The following CEACAM6 variants were observed in gnomAD, a reference collection of about 807,000 sequenced individuals.
CEACAM6 encodes CEA cell adhesion molecule 6, also known as cell adhesion molecule CEACAM6.
In CEACAM6, 21 loss-of-function variants were observed where a neutral mutation model predicts 32.4. That is an observed-to-expected ratio of 0.65 (90% CI 0.46 to 0.93). The LOEUF (loss-of-function observed/expected upper bound fraction) is 0.93. Ranked by LOEUF, CEACAM6 falls within the 40% of genes least tolerant of loss-of-function variation. The pLI is 0.00. For missense variants in CEACAM6, 406 were observed against 432.2 expected (o/e 0.94, Z 0.54); for synonymous variants, 184 against 174.4 (o/e 1.06, Z -0.43).
chr19:41,767,891 G>A (rs1282752846), intron 5 of CEACAM6, among the ~76,000 whole-genome samples: 1 of 151,860 alleles, frequency 6.6e-6, no homozygotes, highest in Non-Finnish European at 1.5e-5. Flanking sequence ...TACATTATAT[G>A]GGAAGCACTG....
At chr19:41,769,167 A>G (rs2072976673) in intron 5 of CEACAM6, among the ~76,000 whole-genome samples, 1 of 151,544 alleles carries the variant, frequency 6.6e-6, no homozygotes, top group Admixed American at 6.6e-5. Flanking sequence ...CTGGTCTCGA[A>G]CTCCTGACTT....
chr19:41,761,110 G>T, intron 2 of CEACAM6, 139 bp from the exon 3 acceptor site: 1 of 1,499,898 alleles, frequency 6.7e-7, no homozygotes, highest in East Asian at 2.3e-5. Context: ...TGCATCTGTT[G>T]TGTGACACAC....
chr19:41,764,061 A>C (rs2072943167), intron 4 of CEACAM6, among the ~76,000 whole-genome samples: 1 of 152,098 alleles, frequency 6.6e-6, no homozygotes, highest in African/African-American at 2.4e-5. Context: ...TATTATGTTG[A>C]GGTGGTTTCC....
chr19:41,765,222 A>T (rs886163542), intron 4 of CEACAM6, among the ~76,000 whole-genome samples: 1 of 152,220 alleles, frequency 6.6e-6, no homozygotes, highest in African/African-American at 2.4e-5. Flanking sequence ...GTAAAATGGA[A>T]ATAATGTCTA....
chr19:41,767,677 G>A (rs563288562), intron 5 of CEACAM6, among the ~76,000 whole-genome samples: 3 of 152,226 alleles, frequency 2.0e-5, no homozygotes, highest in East Asian at 1.9e-4. Context: ...GTGTAGCCAC[G>A]ATGGAGGATC....
intron 5 of CEACAM6, among the ~76,000 whole-genome samples, chr19:41,770,121 A>C (rs1461528884): frequency 9.2e-5 from 14 of 151,876 alleles, no homozygotes; most frequent in Admixed American, 7.9e-4. Flanking sequence ...CAAACTTGAA[A>C]AGACCCCAGG....
intron 2 of CEACAM6, among the ~76,000 whole-genome samples, chr19:41,757,205 G>A (rs113365675): frequency 0.016 from 2,507 of 152,156 alleles, 83 homozygotes; most frequent in African/African-American, 0.056. Context: ...TCAGCAGGGC[G>A]AGGTCAGTGT....
intron 3 of CEACAM6, 55 bp from the exon 4 acceptor site, chr19:41,761,914 G>T (rs1555821937): frequency 2.7e-5 from 43 of 1,600,024 alleles, no homozygotes; most frequent in Non-Finnish European, 3.5e-5. Context: ...CACAGACCAG[G>T]AACTTATGCT....
intron 5 of CEACAM6, among the ~76,000 whole-genome samples, chr19:41,769,437 G>T (rs1199297288): frequency 6.6e-6 from 1 of 152,110 alleles, no homozygotes; most frequent in Non-Finnish European, 1.5e-5. Flanking sequence ...ATAGCTTCAT[G>T]AAACTGCCAA....
At chr19:41,758,274 C>A (rs1399027807) in intron 2 of CEACAM6, among the ~76,000 whole-genome samples, 1 of 152,150 alleles carries the variant, frequency 6.6e-6, no homozygotes, top group Non-Finnish European at 1.5e-5. Context: ...GAGGACTTTG[C>A]TTTCTCTCCC....
intron 2 of CEACAM6, among the ~76,000 whole-genome samples, chr19:41,759,420 G>C (rs2072909375): frequency 6.6e-6 from 1 of 152,216 alleles, no homozygotes; most frequent in Admixed American, 6.5e-5. Flanking sequence ...ACAGGAATTA[G>C]GGGCAGGGAG....
Position 41,756,683 on chromosome 19 carries a change from G to A in CEACAM6, c.148G>A (p.Glu50Lys), listed in dbSNP as rs1201941596. ...GCCGTTCAATGTCGCAGAGGGGAAG[G>A]AGGTTCTTCTACTCGCCCACAACCT... ...STPFNVAEGK[E>K]VLLLAHNLPQ... The change falls in exon 2 of 6, where the codon GAG (glutamate) becomes AAG (lysine). Residue 50 changes from glutamate (E) to lysine (K), a missense_variant. Transcript: ENST00000199764. 2 of 1,613,988 alleles carry A rather than the reference G, an allele frequency of 1.2e-6. No individual in the cohort carries two copies. The highest frequency in any genetic ancestry group is 1.3e-5 in the African/African-American group (1 of 74,872).
chr19:41,768,732 AC>A (rs562659767), intron 5 of CEACAM6, among the ~76,000 whole-genome samples: 1,874 of 143,676 alleles, frequency 0.013, 34 homozygotes, highest in African/African-American at 0.046. Context: ...CGGGGGGCTG[AC>A]CCCCCCACCT....
In CEACAM6 at chr19:41,772,111, C is replaced by CTTGTA. The variant is rs1356474624; in HGVS notation, c.*1359_*1363dup. ...TTCCAATTTGACAAAACCCACTGTT[C>CTTGTA]TTGTATTGTATTGCCCAGGGGGAGC... On this transcript the variant is annotated 3_prime_UTR_variant, in exon 6 of 6. Coordinates refer to ENST00000199764, the MANE Select transcript of CEACAM6 (RefSeq NM_002483.7). The CTTGTA allele has an allele frequency of 6.6e-6, 1 of 152,292 alleles. No homozygotes were observed. The highest frequency in any genetic ancestry group is 1.9e-4 in the East Asian group (1 of 5,192). The allele number at this position is 152,292 out of a possible 1,614,324, so 9.4% of individuals were successfully genotyped here.
intron 4 of CEACAM6, among the ~76,000 whole-genome samples, chr19:41,763,197 C>T (rs1169391991): frequency 6.6e-6 from 1 of 152,176 alleles, no homozygotes; most frequent in Non-Finnish European, 1.5e-5. Context: ...ATCACCACCA[C>T]CCACCCACAG....
chr19:41,762,044 A>G lies in CEACAM6; in HGVS notation c.779A>G (p.His260Arg), dbSNP rs1314221836. The G allele has an allele frequency of 1.9e-6, 3 of 1,614,200 alleles. No homozygotes were observed. Among genetic ancestry groups the G allele is most frequent in the Admixed American group, 1.7e-5 (1 of 60,024 alleles). The change falls in exon 4 of 6, where the codon CAC becomes CGC. Residue 260 changes from histidine (H) to arginine (R), a missense_variant. His to Arg is a conservative substitution (Grantham distance 29). Transcript: ENST00000199764. ...RPGENLNLSC[H>R]AASNPPAQYS... ...GGGGAAAATCTGAACCTCTCCTGCC[A>G]CGCAGCCTCTAACCCACCTGCACAG...
chr19:41,756,792 C>T lies in CEACAM6; in HGVS notation c.257C>T (p.Thr86Ile). 1 of 1,614,060 alleles carries T rather than the reference C, an allele frequency of 6.2e-7. No individual in the cohort carries two copies. The highest frequency in any genetic ancestry group is 2.2e-5 in the East Asian group (1 of 44,884). The change falls in exon 2 of 6, where the codon ACT becomes ATT. Residue 86 changes from threonine to isoleucine, a missense_variant. Physicochemically the swap from Thr to Ile is moderately conservative, Grantham distance 89 (BLOSUM62 -1). Coordinates refer to ENST00000199764, the MANE Select transcript of CEACAM6 (RefSeq NM_002483.7). Reference protein sequence around the residue: ...NSLIVGYVIGTQQATPGPAYS... With the variant: ...NSLIVGYVIGIQQATPGPAYS... Reference sequence around the variant, plus strand: ...CTAATTGTAGGATATGTAATAGGAACTCAACAAGCTACCCCAGGGCCCGCA... The same window carrying T: ...CTAATTGTAGGATATGTAATAGGAATTCAACAAGCTACCCCAGGGCCCGCA...
At chr19:41,766,343 C>T in intron 5 of CEACAM6, 44 bp downstream of exon 5, 1 of 1,038,730 alleles carries the variant, frequency 9.6e-7, no homozygotes, top group Non-Finnish European at 1.4e-6. Context: ...CAGGGCTGAC[C>T]ACCATGCTTG....
Position 41,756,858 on chromosome 19 carries a change from T to C in CEACAM6, c.323T>C (p.Leu108Pro). The C allele has an allele frequency of 6.2e-7, 1 of 1,614,196 alleles. No homozygotes were observed. Among genetic ancestry groups the C allele is most frequent in the Non-Finnish European group, 8.5e-7 (1 of 1,180,036 alleles). The change falls in exon 2 of 6, where the codon CTG becomes CCG. Residue 108 changes from leucine to proline, a missense_variant. Physicochemically the swap from Leu to Pro is moderately conservative, Grantham distance 98 (BLOSUM62 -3). Coordinates refer to ENST00000199764, the MANE Select transcript of CEACAM6 (RefSeq NM_002483.7). Reference protein sequence around the residue: ...RETIYPNASLLIQNVTQNDTG... With the variant: ...RETIYPNASLPIQNVTQNDTG... ...ACAATATACCCCAATGCATCCCTGC[T>C]GATCCAGAACGTCACCCAGAATGAC...
Sources: gnomAD v4.1 joint callset for allele counts (sites outside exome capture counted in the v4.1 genomes callset) on GRCh38, gnomAD v4.1.1 for gene constraint, MANE v1.5 for transcripts, NCBI Gene and HGNC (gene_info 2026-07-23, HGNC 2026-07-21) for gene names.